PHTF1: variants seen among roughly 807,000 people sequenced by gnomAD.
The protein encoded by PHTF1 is protein PHTF1.
In PHTF1, 88 loss-of-function variants were observed where a neutral mutation model predicts 102.4. The ratio of observed to expected loss-of-function variants is 0.86; its 90% CI spans 0.72 to 1.03. The LOEUF (loss-of-function observed/expected upper bound fraction) is 1.03, where lower values mean the gene tolerates loss of function less well. Among genes scored for constraint, PHTF1 ranks in the 50% least tolerant of loss-of-function variants. PHTF1 has a pLI of 0.00. For missense variants in PHTF1, 814 were observed against 909.5 expected, an observed-to-expected ratio of 0.89 and a Z score of 1.35; for synonymous variants, 289 against 305.2, an observed-to-expected ratio of 0.95 and a Z score of 0.55.
At chr1:113,756,740 C>T (rs548147858) in intron 3 of PHTF1, among the ~76,000 whole-genome samples, 175 of 152,278 alleles carry the variant, frequency 1.1e-3, no homozygotes, top group Middle Eastern at 6.8e-3. Flanking sequence ...TAACCCTCTC[C>T]TCCCCTATTA....
chr1:113,724,214 C>A (rs1026689238), intron 7 of PHTF1, among the ~76,000 whole-genome samples: 1 of 152,070 alleles, frequency 6.6e-6, no homozygotes, highest in African/African-American at 2.4e-5. Flanking sequence ...CTTGGAGGTT[C>A]TTCAAATAAA....
chr1:113,724,577 G>C (rs1372318971), intron 7 of PHTF1, among the ~76,000 whole-genome samples, 182 bp downstream of exon 7: 3 of 148,018 alleles, frequency 2.0e-5, no homozygotes, highest in African/African-American at 5.0e-5. Flanking sequence ...TTCCATGATA[G>C]ATTACTGCAT....
At chr1:113,738,517 A>G (rs1655869234) in intron 4 of PHTF1, among the ~76,000 whole-genome samples, 1 of 152,234 alleles carries the variant, frequency 6.6e-6, no homozygotes, top group South Asian at 2.1e-4. Context: ...CACAACAGCA[A>G]GTCTCTACGT....
chr1:113,757,941 C>T (rs866181397), intron 2 of PHTF1, among the ~76,000 whole-genome samples, 186 bp from the exon 3 acceptor site: 1 of 152,044 alleles, frequency 6.6e-6, no homozygotes, highest in Admixed American at 6.6e-5. Flanking sequence ...AATAGCTGGA[C>T]CTAAAAGTAA....
chr1:113,711,823 T>C lies in PHTF1; in HGVS notation c.970A>G (p.Thr324Ala), dbSNP rs773785491. Reference protein sequence around the residue: ...RHLNSQVKKTTTRWCHIVRDS... With the variant: ...RHLNSQVKKTATRWCHIVRDS... Reference sequence around the variant, plus strand: ...CGCACAATATGACACCACCTTGTAGTGGTTTTCTTTACCTGCCAAAAATCA... The same window carrying C: ...CGCACAATATGACACCACCTTGTAGCGGTTTTCTTTACCTGCCAAAAATCA... The change falls in exon 10 of 19, where the codon ACT (threonine) becomes GCT (alanine). Residue 324 changes from threonine to alanine, a missense_variant. Physicochemically the swap from Thr to Ala is moderately conservative, Grantham distance 58. Transcript: ENST00000369604. The C allele has an allele frequency of 3.4e-5, 55 of 1,613,636 alleles. No individual in the cohort carries two copies. Among genetic ancestry groups the C allele is most frequent in the Non-Finnish European group, 5.9e-6 (7 of 1,179,730 alleles).
intron 10 of PHTF1, 54 bp downstream of exon 10, chr1:113,711,692 G>A: frequency 1.5e-6 from 2 of 1,357,064 alleles, no homozygotes; most frequent in South Asian, 2.4e-5. Context: ...AAAAGGAATG[G>A]ATAAAGTTAT....
chr1:113,704,188 G>A (rs376408869), intron 14 of PHTF1, 21 bp from the exon 15 acceptor site: 3 of 1,553,510 alleles, frequency 1.9e-6, no homozygotes, highest in South Asian at 2.3e-5. Context: ...AGACACATGT[G>A]TTAATGTTTT....
intron 13 of PHTF1, chr1:113,705,664 A>C (rs1571089122): frequency 2.2e-6 from 1 of 459,792 alleles, no homozygotes; most frequent in Admixed American, 4.1e-5. Flanking sequence ...TCACTGGCTA[A>C]GCCACTTATT....
At position 113,703,920 on chromosome 1, in the gene PHTF1, C is replaced by A. The variant is rs1649724925; in HGVS notation, c.1890+161G>T. 5 of 521,142 alleles carry A rather than the reference C, an allele frequency of 9.6e-6. No individual in the cohort carries two copies. Among genetic ancestry groups the A allele is most frequent in the Non-Finnish European group, 1.8e-5 (5 of 285,518 alleles). The allele number at this position is 521,142 out of a possible 1,614,324, so 32.3% of individuals were successfully genotyped here. A position where few individuals can be genotyped will look rare whatever the true frequency, so the allele number is the denominator to read the frequency against. On this transcript the variant is annotated intron_variant, in intron 15 of 18. Transcript: ENST00000369604. ...AAAGGACTTCAGAATTACTTGTATT[C>A]CCATTTTGAAAAGTTAGAAAAATTA...
chr1:113,717,782 T>G (rs549669508), intron 7 of PHTF1, among the ~76,000 whole-genome samples: 1 of 152,044 alleles, frequency 6.6e-6, no homozygotes. Flanking sequence ...TGAGACTTAT[T>G]CACTATCACG....
At chr1:113,752,955 T>C (rs1330752091) in intron 3 of PHTF1, among the ~76,000 whole-genome samples, 2 of 152,250 alleles carry the variant, frequency 1.3e-5, no homozygotes, top group Non-Finnish European at 2.9e-5. Flanking sequence ...CTTTACTATG[T>C]TGAAGAAGTT....
Position 113,756,050 on chromosome 1 carries a change from G to C in PHTF1, c.102+1649C>G, listed in dbSNP as rs552867001. On this transcript the variant is annotated intron_variant, in intron 3 of 18. Coordinates refer to ENST00000369604, the MANE Select transcript of PHTF1 (RefSeq NM_001323043.2). The stretch of plus-strand genomic sequence containing the variant: ...CCACTGCACTCCAACCAGGGTGACA[G>C]AGCGAGACTCTGTCTCAAAAAAAAA... Among the ~76,000 whole-genome samples the C allele has an allele frequency of 1.4e-4, 20 of 147,986 alleles. No individual in the cohort carries two copies. In the South Asian group the frequency reaches 1.9e-3, roughly 14 times the overall value.
At chr1:113,724,212 T>C (rs1653466053) in intron 7 of PHTF1, among the ~76,000 whole-genome samples, 1 of 150,868 alleles carries the variant, frequency 6.6e-6, no homozygotes, top group Admixed American at 6.6e-5. Flanking sequence ...AGCTTGGAGG[T>C]TCTTCAAATA....
In PHTF1 at chr1:113,697,441, T is replaced by C. The variant is rs1648919080; in HGVS notation, c.*264A>G. The C allele has an allele frequency of 5.5e-6, 2 of 366,844 alleles. No homozygotes were observed. The highest frequency in any genetic ancestry group is 9.9e-6 in the Non-Finnish European group (2 of 201,060). The allele number at this position is 366,844 out of a possible 1,614,324, so 22.7% of individuals were successfully genotyped here. On this transcript the variant is annotated 3_prime_UTR_variant, in exon 19 of 19. Coordinates refer to ENST00000369604, the MANE Select transcript of PHTF1 (RefSeq NM_001323043.2). ...GAAGCGCAAACTTACAAAATTGTCT[T>C]TGTGTTACCACAACACACACAGTCT... is the stretch of plus-strand genomic sequence containing the variant.
intron 5 of PHTF1, 133 bp downstream of exon 5, chr1:113,737,976 GC>G: frequency 1.6e-6 from 1 of 632,356 alleles, no homozygotes; most frequent in South Asian, 2.1e-5. Flanking sequence ...ACCCCAAATG[GC>G]ATATGTCTCT....
chr1:113,758,704 C>A lies in PHTF1; in HGVS notation c.-1G>T, dbSNP rs758543751. On this transcript the variant is annotated 5_prime_UTR_variant, in exon 2 of 19. Transcript: ENST00000369604. ...TAGCATCTCTCTCATTTGAGGCCAT[C>A]TGTGTCTCCAGCCAGAGAATGGGAT... 3.1e-6 allele frequency: 5 copies of A among 1,610,950 alleles called. No individual in the cohort carries two copies. The highest frequency in any genetic ancestry group is 4.2e-6 in the Non-Finnish European group (5 of 1,178,336).
intron 3 of PHTF1, among the ~76,000 whole-genome samples, chr1:113,755,321 T>G (rs1658690418): frequency 6.6e-6 from 1 of 152,202 alleles, no homozygotes; most frequent in African/African-American, 2.4e-5. Flanking sequence ...TGGGCTTTTC[T>G]CCCATCACTA....
In PHTF1 at chr1:113,697,122, A is replaced by T. The variant is rs1648894145; in HGVS notation, c.*583T>A. On this transcript the variant is annotated 3_prime_UTR_variant, in exon 19 of 19. Transcript: ENST00000369604. ...TAACCCAAAATCGTAAACGAACAAA[A>T]CATTTCTCCACAGTTTAACAGAAAC... is the stretch of plus-strand genomic sequence containing the variant. The T allele has an allele frequency of 6.6e-6, 1 of 152,428 alleles. No homozygotes were observed. 9.4% of individuals were successfully genotyped at this position (152,428 alleles called of 1,614,324 possible). A position where few individuals can be genotyped will look rare whatever the true frequency, so the allele number is the denominator to read the frequency against.
chr1:113,750,233 G>A (rs1360818644), intron 3 of PHTF1, among the ~76,000 whole-genome samples: 2 of 151,918 alleles, frequency 1.3e-5, no homozygotes, highest in African/African-American at 2.4e-5. Flanking sequence ...CAAAAACCTC[G>A]GCTTCCCAGA....
Sources: allele counts gnomAD v4.1 joint callset (sites outside exome capture counted in the v4.1 genomes callset), GRCh38; gene constraint gnomAD v4.1.1; transcripts MANE v1.5; gene names NCBI Gene and HGNC (gene_info 2026-07-23, HGNC 2026-07-21).